Variants in DRC11 observed in about 807,000 individuals in gnomAD.
DRC11 encodes IQ and AAA domain-containing protein 1.
chr2:236,399,774 A>G, the DRC11 span, among the ~76,000 whole-genome samples: 2 of 152,060 alleles, frequency 1.3e-5, no homozygotes, highest in Non-Finnish European at 2.9e-5. This position sits in a 1 kb window ranked among gnomAD's most constrained non-coding sequence, Gnocchi z 7.0. Context: ...TTTTTGATTA[A>G]AAAACTTTCT....
At chr2:236,440,905 C>A in the DRC11 span, 1 of 607,092 alleles carries the variant, frequency 1.6e-6, no homozygotes, top group Non-Finnish European at 2.9e-6. Context: ...CAATGATGAA[C>A]ACCCAAAAGT....
the DRC11 span, among the ~76,000 whole-genome samples, chr2:236,402,504 G>A: frequency 6.6e-6 from 1 of 152,254 alleles, no homozygotes; most frequent in African/African-American, 2.4e-5. The surrounding 1 kb of genome is among the most constrained non-coding windows in gnomAD (Gnocchi z 6.0). Flanking sequence ...GAGCTTCAGG[G>A]GAGGCCCGGG....
chr2:236,361,232 A>G, the DRC11 span, among the ~76,000 whole-genome samples: 2 of 152,160 alleles, frequency 1.3e-5, no homozygotes, highest in African/African-American at 4.8e-5. This position sits in a 1 kb window ranked among gnomAD's most constrained non-coding sequence, Gnocchi z 5.7. Flanking sequence ...AGCAAAAGAT[A>G]AGAAGATCAG....
At chr2:236,498,359 G>C in the DRC11 span, among the ~76,000 whole-genome samples, 1 of 151,996 alleles carries the variant, frequency 6.6e-6, no homozygotes, top group African/African-American at 2.4e-5. Context: ...CAGTTACTCA[G>C]GAGGCTGAGG....
the DRC11 span, among the ~76,000 whole-genome samples, chr2:236,329,326 G>A: frequency 4.6e-5 from 7 of 152,122 alleles, no homozygotes; most frequent in Admixed American, 2.6e-4. Context: ...GCCATTATCC[G>A]GCCTACCATG....
At chr2:236,483,230 T>C in the DRC11 span, among the ~76,000 whole-genome samples, 2 of 152,218 alleles carry the variant, frequency 1.3e-5, no homozygotes, top group African/African-American at 4.8e-5. This position sits in a 1 kb window ranked among gnomAD's most constrained non-coding sequence, Gnocchi z 4.8. Flanking sequence ...TTCTCTTTTA[T>C]AGCTGAATAA....
the DRC11 span, among the ~76,000 whole-genome samples, chr2:236,498,029 A>G: frequency 6.6e-6 from 1 of 152,260 alleles, no homozygotes; most frequent in African/African-American, 2.4e-5. Flanking sequence ...CACCAGTAAG[A>G]GAGTGGATAA....
chr2:236,436,305 T>C, the DRC11 span, among the ~76,000 whole-genome samples: 450 of 152,322 alleles, frequency 3.0e-3, 4 homozygotes, highest in African/African-American at 0.011. Flanking sequence ...TCAGTTATCA[T>C]ATACCTTGAA....
chr2:236,479,813 C>T, the DRC11 span, among the ~76,000 whole-genome samples: 1 of 152,154 alleles, frequency 6.6e-6, no homozygotes, highest in Non-Finnish European at 1.5e-5. The surrounding 1 kb of genome is among the most constrained non-coding windows in gnomAD (Gnocchi z 4.1). Context: ...TGTATGCTTA[C>T]TTTTATCAGT....
the DRC11 span, among the ~76,000 whole-genome samples, chr2:236,490,928 GTATATATATGAGTGTGTA>G: frequency 2.7e-5 from 4 of 145,550 alleles, no homozygotes; most frequent in African/African-American, 1.0e-4. The surrounding 1 kb of genome is among the most constrained non-coding windows in gnomAD (Gnocchi z 5.5). Context: ...ATATATATGT[GTATATATATGAGTGTGTA>G]TATATATGTG....
At chr2:236,341,980 G>A in the DRC11 span, among the ~76,000 whole-genome samples, 17 of 152,296 alleles carry the variant, frequency 1.1e-4, no homozygotes, top group Non-Finnish European at 5.9e-5. Flanking sequence ...TTTCCTGTCC[G>A]CAACAGTGTC....
At chr2:236,486,258 G>A in the DRC11 span, among the ~76,000 whole-genome samples, 1 of 152,224 alleles carries the variant, frequency 6.6e-6, no homozygotes, top group Non-Finnish European at 1.5e-5. This position sits in a 1 kb window ranked among gnomAD's most constrained non-coding sequence, Gnocchi z 5.7. Context: ...TTGATCCTCA[G>A]TTGAGACCTC....
At chr2:236,413,062 T>C in the DRC11 span, among the ~76,000 whole-genome samples, 1 of 152,304 alleles carries the variant, frequency 6.6e-6, no homozygotes, top group East Asian at 1.9e-4. The surrounding 1 kb of genome is among the most constrained non-coding windows in gnomAD (Gnocchi z 4.0). Context: ...ATATCCCTCA[T>C]GAAGCCTCCC....
At chr2:236,491,142 G>GTATATATATATATATACACAGTATATATA in the DRC11 span, among the ~76,000 whole-genome samples, 2 of 39,352 alleles carry the variant, frequency 5.1e-5, no homozygotes, top group South Asian at 1.1e-3. Flanking sequence ...TATATATACA[G>GTATATATATATATATACACAGTATATATA]TATATATATA....
chr2:236,505,035 A>G, the DRC11 span, among the ~76,000 whole-genome samples: 6 of 152,358 alleles, frequency 3.9e-5, no homozygotes, highest in African/African-American at 1.4e-4. Flanking sequence ...TGTTCCTGGA[A>G]TTTTAAATGC....
the DRC11 span, among the ~76,000 whole-genome samples, chr2:236,369,611 A>G: frequency 1.9e-3 from 285 of 152,344 alleles, 2 homozygotes; most frequent in African/African-American, 6.6e-3. The surrounding 1 kb of genome is among the most constrained non-coding windows in gnomAD (Gnocchi z 4.5). Flanking sequence ...CAGATGCACC[A>G]TATTTTCTAG....
At chr2:236,471,286 C>T in the DRC11 span, among the ~76,000 whole-genome samples, 1 of 143,532 alleles carries the variant, frequency 7.0e-6, no homozygotes, top group African/African-American at 2.5e-5. This position sits in a 1 kb window ranked among gnomAD's most constrained non-coding sequence, Gnocchi z 4.6. Flanking sequence ...TTTCCTCTGA[C>T]TTAAAAAAAA....
At chr2:236,503,509 A>C in the DRC11 span, 3 of 967,358 alleles carry the variant, frequency 3.1e-6, no homozygotes, top group Non-Finnish European at 4.8e-6. The surrounding 1 kb of genome is among the most constrained non-coding windows in gnomAD (Gnocchi z 4.9). Context: ...GGGTCCTGCC[A>C]TTTCTTTCTT....
chr2:236,410,040 T>G, the DRC11 span, among the ~76,000 whole-genome samples: 1 of 151,458 alleles, frequency 6.6e-6, no homozygotes. Flanking sequence ...TTTGCATCAA[T>G]GTTCATCAAG....
Sources: allele counts gnomAD v4.1 joint callset (sites outside exome capture counted in the v4.1 genomes callset), GRCh38; gene constraint gnomAD v4.1.1; non-coding constraint Gnocchi (gnomAD v3.1); transcripts MANE v1.5; gene names NCBI Gene and HGNC (gene_info 2026-07-23, HGNC 2026-07-21).